The following NHSL1 variants were observed in gnomAD, a reference collection of about 807,000 sequenced individuals.
NHSL1 encodes NHS-like protein 1.
NHSL1 carries 48 observed loss-of-function variants against 95.0 expected under a neutral mutation model. The ratio of observed to expected loss-of-function variants is 0.51; its 90% CI spans 0.40 to 0.64. The LOEUF (loss-of-function observed/expected upper bound fraction) is 0.64. Among genes scored for constraint, NHSL1 ranks in the 30% least tolerant of loss-of-function variants. The probability of loss-of-function intolerance (pLI) is 0.00; values close to 1 mark genes in which losing one functional copy is unlikely to be tolerated. For missense variants in NHSL1, 1,971 were observed against 2,077.7 expected (o/e 0.95, Z 1.00); for synonymous variants, 783 against 833.9 (o/e 0.94, Z 1.05).
chr6:138,557,958 T>A (rs1460291083), intron 1 of NHSL1, among the ~76,000 whole-genome samples: 1 of 152,214 alleles, frequency 6.6e-6, no homozygotes, highest in Non-Finnish European at 1.5e-5. Flanking sequence ...CATTAAAAAA[T>A]ATTTTCAATT....
At chr6:138,500,727 A>G (rs1780629541), upstream of NHSL1, among the ~76,000 whole-genome samples, 1 of 151,772 alleles carries the variant, frequency 6.6e-6, no homozygotes, top group Admixed American at 6.6e-5. Context: ...TTCAACAACA[A>G]CAAAACAAAA....
chr6:138,585,060 T>C (rs752599820), intron 1 of NHSL1, among the ~76,000 whole-genome samples: 3 of 152,200 alleles, frequency 2.0e-5, no homozygotes, highest in African/African-American at 7.2e-5. Flanking sequence ...AGAGTTGTTA[T>C]GAAAACTAAG....
chr6:138,606,123 C>T (rs929926008), intron 1 of NHSL1, among the ~76,000 whole-genome samples: 1 of 152,170 alleles, frequency 6.6e-6, no homozygotes, highest in Non-Finnish European at 1.5e-5. Context: ...CTCACAGCCC[C>T]CTGCTGTGCC....
At chr6:138,562,353 A>G (rs945876591) in intron 1 of NHSL1, among the ~76,000 whole-genome samples, 1 of 152,210 alleles carries the variant, frequency 6.6e-6, no homozygotes, top group East Asian at 1.9e-4. Context: ...CTTAATAAAG[A>G]TACCCTAACA....
At chr6:138,462,903 T>C (rs1166403099) in intron 3 of NHSL1, among the ~76,000 whole-genome samples, 1 of 152,108 alleles carries the variant, frequency 6.6e-6, no homozygotes, top group Non-Finnish European at 1.5e-5. Flanking sequence ...GTGAGTGCAA[T>C]GGCAGGCCAT....
chr6:138,518,090 A>G (rs868021765), intron 1 of NHSL1, among the ~76,000 whole-genome samples: 8 of 152,334 alleles, frequency 5.3e-5, no homozygotes, highest in East Asian at 1.9e-4. Flanking sequence ...AGATTTCTGG[A>G]CAAGTTCTTC....
intron 1 of NHSL1, among the ~76,000 whole-genome samples, chr6:138,627,186 T>C (rs911326627): frequency 2.6e-5 from 4 of 152,138 alleles, no homozygotes; most frequent in African/African-American, 9.7e-5. Flanking sequence ...AGGATTAAAT[T>C]CTACACCTAG....
At chr6:138,534,569 C>T (rs1432872894) in intron 1 of NHSL1, among the ~76,000 whole-genome samples, 1 of 152,168 alleles carries the variant, frequency 6.6e-6, no homozygotes, top group East Asian at 1.9e-4. Context: ...AACTAACCTG[C>T]TCCAACATTT....
At chr6:138,572,135 C>T (rs1344890209) in exon 1 of NHSL1, 2 of 478,958 alleles carry the variant, frequency 4.2e-6, no homozygotes, top group Admixed American at 7.6e-5. Flanking sequence ...ACCCTAGCCA[C>T]ATTGTGGACT....
chr6:138,685,581 T>C (rs1785575013), intron 1 of NHSL1, among the ~76,000 whole-genome samples: 1 of 152,086 alleles, frequency 6.6e-6, no homozygotes, highest in African/African-American at 2.4e-5. Flanking sequence ...CTGGGTGTGC[T>C]GGCTTACCCC....
intron 3 of NHSL1, among the ~76,000 whole-genome samples, chr6:138,449,267 C>T (rs1258584843): frequency 6.6e-6 from 1 of 152,146 alleles, no homozygotes; most frequent in Non-Finnish European, 1.5e-5. Flanking sequence ...TGTTCCTAAA[C>T]TTTGATGTTT....
chr6:138,661,734 T>C (rs9484195), intron 1 of NHSL1, among the ~76,000 whole-genome samples: 4 of 151,866 alleles, frequency 2.6e-5, no homozygotes, highest in East Asian at 1.9e-4. Flanking sequence ...TCATTAAATA[T>C]AGAATGAAGT....
At chr6:138,654,555 A>G (rs1249423071) in intron 1 of NHSL1, among the ~76,000 whole-genome samples, 1 of 152,196 alleles carries the variant, frequency 6.6e-6, no homozygotes, top group Non-Finnish European at 1.5e-5. Flanking sequence ...AATACTAAGA[A>G]CAGCAGGTAT....
rs761659131 is a variant in NHSL1 at position 138,432,928 on chromosome 6, C to T, written c.1417G>A (p.Glu473Lys). 3.2e-6 allele frequency: 5 copies of T among 1,551,580 alleles called. No individual in the cohort carries two copies. In the South Asian group the frequency reaches 3.6e-5, roughly 11 times the overall value. ...TGTGAAAGAATGGTGGCATGGCCCTCATTCCAGTGGCGACCGGGAGACTGA... is the reference window on the plus strand; with the variant it reads ...TGTGAAAGAATGGTGGCATGGCCCTTATTCCAGTGGCGACCGGGAGACTGA... ...DPQSPGRHWN[E>K]GHATILSQDL... Residue 473 changes from glutamate (E) to lysine (K), a missense_variant, in exon 6 of 8, where the codon GAG (glutamate) becomes AAG (lysine). Around this residue, in one of 3 missense-constraint regions of NHSL1, gnomAD observed 1,602 missense variants for 1,654.5 expected, o/e 0.97. Transcript: ENST00000343505. The surrounding 1 kb of genome is among the most constrained non-coding windows in gnomAD (Gnocchi z 4.4).
intron 1 of NHSL1, among the ~76,000 whole-genome samples, chr6:138,536,602 CT>C (rs563509738): frequency 0.02 from 1,565 of 79,856 alleles, 1 homozygote; most frequent in East Asian, 0.053. Context: ...CATATGTCAT[CT>C]TTTTTTTTTT....
chr6:138,433,596 C>T lies in NHSL1; in HGVS notation c.749G>A (p.Cys250Tyr). The change falls in exon 6 of 8, where the codon TGT (cysteine) becomes TAT (tyrosine). Residue 250 changes from cysteine to tyrosine, a missense_variant. By Grantham distance (194) the Cys-to-Tyr change is radical. Around this residue, in one of 3 missense-constraint regions of NHSL1, gnomAD observed 1,602 missense variants for 1,654.5 expected, o/e 0.97. Coordinates refer to ENST00000343505, the MANE Select transcript of NHSL1 (RefSeq NM_001144060.2). ...TTCTGAGCGCTGCCCAGCAGACCGA[C>T]AGCTATTGAACCTTCCTAGTGTAGA... Reference protein sequence around the residue: ...HYSTLGRFNSCRSAGQRSETR... With the variant: ...HYSTLGRFNSYRSAGQRSETR... 6.4e-7 allele frequency: 1 copy of T among 1,552,114 alleles called. No homozygotes were observed. Among genetic ancestry groups the T allele is most frequent in the South Asian group, 1.2e-5 (1 of 84,048 alleles).
chr6:138,549,274 A>G (rs1026499910), upstream of NHSL1, among the ~76,000 whole-genome samples: 4 of 152,114 alleles, frequency 2.6e-5, no homozygotes, highest in African/African-American at 9.7e-5. Context: ...TCCCAGCTAC[A>G]TGGGAGGCTG....
intron 5 of NHSL1, among the ~76,000 whole-genome samples, chr6:138,441,598 A>G (rs1274413777): frequency 6.6e-6 from 1 of 152,250 alleles, no homozygotes; most frequent in Non-Finnish European, 1.5e-5. Flanking sequence ...GTGAAAGTCC[A>G]TATTCATAAT....
At chr6:138,669,079 TA>T (rs969032215) in intron 1 of NHSL1, among the ~76,000 whole-genome samples, 1 of 152,094 alleles carries the variant, frequency 6.6e-6, no homozygotes, top group Non-Finnish European at 1.5e-5. Context: ...GTCTGATGGC[TA>T]AAAGCATGGT....
Sources: allele counts gnomAD v4.1 joint callset (sites outside exome capture counted in the v4.1 genomes callset), GRCh38; gene constraint gnomAD v4.1.1; regional missense constraint gnomAD v4.1.1; non-coding constraint Gnocchi (gnomAD v3.1); transcripts MANE v1.5; gene names NCBI Gene and HGNC (gene_info 2026-07-23, HGNC 2026-07-21).